RNGTT: variants seen among roughly 807,000 people sequenced by gnomAD.
The protein encoded by RNGTT is mRNA-capping enzyme.
A neutral mutation model predicts 79.3 loss-of-function variants in RNGTT; 33 were observed. The ratio of observed to expected loss-of-function variants is 0.42; its 90% CI spans 0.32 to 0.56. RNGTT has a LOEUF of 0.56. Among genes scored for constraint, RNGTT ranks in the 20% least tolerant of loss-of-function variants. RNGTT has a pLI of 0.17. For synonymous variants in RNGTT, 222 were observed against 235.9 expected (o/e 0.94, Z 0.54); for missense variants, 497 against 739.1 (o/e 0.67, Z 3.80).
intron 13 of RNGTT, among the ~76,000 whole-genome samples, chr6:88,763,970 T>G (rs902665994): frequency 2.0e-5 from 3 of 152,194 alleles, no homozygotes; most frequent in African/African-American, 7.2e-5. Flanking sequence ...CATGCTATAG[T>G]ATAAGCTGCT....
At chr6:88,722,199 A>C (rs1776731613) in intron 13 of RNGTT, among the ~76,000 whole-genome samples, 1 of 151,772 alleles carries the variant, frequency 6.6e-6, no homozygotes, top group Admixed American at 6.6e-5. Flanking sequence ...AGTTATTGTA[A>C]AACTCAGATC....
chr6:88,914,253 A>T (rs1783925711), intron 4 of RNGTT, among the ~76,000 whole-genome samples: 1 of 152,122 alleles, frequency 6.6e-6, no homozygotes, highest in Admixed American at 6.5e-5. Context: ...CAAATTACCA[A>T]CAGCATTTTT....
chr6:88,785,025 T>A (rs1779183738), intron 12 of RNGTT, among the ~76,000 whole-genome samples: 1 of 152,130 alleles, frequency 6.6e-6, no homozygotes, highest in Admixed American at 6.5e-5. Context: ...ACCACGTGAT[T>A]GTATTATCTG....
rs372546264 is a variant in RNGTT, at chr6:88,891,824, T to A, written c.776A>T (p.Gln259Leu). The change falls in exon 7 of 16, where the codon CAA (glutamine) becomes CTA (leucine). Residue 259 changes from glutamine to leucine, a missense_variant. Gln to Leu is a moderately radical substitution (Grantham distance 113). This residue lies in a region of RNGTT where 440 missense variants were observed against 671.5 expected (regional missense o/e 0.66). Transcript: ENST00000369485. The stretch of plus-strand genomic sequence containing the variant: ...TTATTACCCTTCCCAGCCACAGAAT[T>A]GATGACACTTCTGCTGTACCTCTCC... ...KLGEVQQKCH[Q>L]FCGWEGSGFP... The A allele has an allele frequency of 1.4e-5, 22 of 1,587,064 alleles. No individual in the cohort carries two copies. The highest frequency in any genetic ancestry group is 1.9e-5 in the Non-Finnish European group (22 of 1,167,866).
chr6:88,855,182 A>C (rs576252893), intron 8 of RNGTT, among the ~76,000 whole-genome samples: 1 of 152,362 alleles, frequency 6.6e-6, no homozygotes, highest in African/African-American at 2.4e-5. Context: ...TCCAAAAAAA[A>C]GGCAGCAACG....
Position 88,611,785 on chromosome 6 carries a change from G to A in RNGTT, c.*934C>T, listed in dbSNP as rs186220225. ...AAAGAAGTTAGCTGGCATTCCCTTT[G>A]CTGTTTTGTTCGAGAGAAGGAACAC... On this transcript the variant is annotated 3_prime_UTR_variant, in exon 16 of 16. Transcript: ENST00000369485. 1 of 152,646 alleles carries A rather than the reference G, an allele frequency of 6.6e-6. No homozygotes were observed. Among genetic ancestry groups the A allele is most frequent in the Non-Finnish European group, 1.5e-5 (1 of 68,020 alleles). The allele number at this position is 152,646 out of a possible 1,614,324, so 9.5% of individuals were successfully genotyped here. A position where few individuals can be genotyped will look rare whatever the true frequency, so the allele number is the denominator to read the frequency against.
intron 12 of RNGTT, among the ~76,000 whole-genome samples, chr6:88,771,330 TATATATATATATATATATATACAC>T (rs1778666190): frequency 1.0e-5 from 1 of 97,586 alleles, no homozygotes; most frequent in Admixed American, 9.5e-5. Context: ...TATATATATA[TATATATATATATATATATATACAC>T]ACACACACAC....
intron 14 of RNGTT, among the ~76,000 whole-genome samples, chr6:88,641,932 TA>T (rs1038179976): frequency 1.1e-4 from 16 of 152,242 alleles, no homozygotes; most frequent in African/African-American, 3.9e-4. Flanking sequence ...AAATAAAAAG[TA>T]AGTCTGTAGG....
At chr6:88,942,918 TTCCAGAATACTATTATATCC>T (rs1784895195) in intron 1 of RNGTT, among the ~76,000 whole-genome samples, 1 of 152,166 alleles carries the variant, frequency 6.6e-6, no homozygotes, top group Non-Finnish European at 1.5e-5. Flanking sequence ...TTCACCTAAA[TTCCAGAATACTATTATATCC>T]TCCTGGTTTT....
At chr6:88,832,769 T>C (rs1331865069) in intron 11 of RNGTT, among the ~76,000 whole-genome samples, 2 of 152,274 alleles carry the variant, frequency 1.3e-5, no homozygotes, top group South Asian at 2.1e-4. Flanking sequence ...GCAAAGGATA[T>C]GAACAGACAC....
At chr6:88,722,862 T>C (rs570819850) in intron 13 of RNGTT, among the ~76,000 whole-genome samples, 1 of 152,338 alleles carries the variant, frequency 6.6e-6, no homozygotes, top group Non-Finnish European at 1.5e-5. Context: ...AACATCATAG[T>C]GCAATGCATT....
At chr6:88,733,304 C>T (rs1777174250) in intron 13 of RNGTT, among the ~76,000 whole-genome samples, 1 of 152,034 alleles carries the variant, frequency 6.6e-6, no homozygotes, top group Non-Finnish European at 1.5e-5. Context: ...GTTGAGGCTG[C>T]AGTGAACCTA....
At chr6:88,628,920 A>C (rs2127768444) in intron 14 of RNGTT, among the ~76,000 whole-genome samples, 1 of 152,280 alleles carries the variant, frequency 6.6e-6, no homozygotes, top group Non-Finnish European at 1.5e-5. Context: ...CCATAAACTA[A>C]AGGAGAGACA....
At chr6:88,753,898 C>G (rs1246771232) in intron 13 of RNGTT, among the ~76,000 whole-genome samples, 1 of 151,976 alleles carries the variant, frequency 6.6e-6, no homozygotes, top group Non-Finnish European at 1.5e-5. Flanking sequence ...TTAAAAAGGC[C>G]TTGACAAATG....
chr6:88,792,973 C>CA (rs558261905), intron 12 of RNGTT, among the ~76,000 whole-genome samples: 7 of 151,140 alleles, frequency 4.6e-5, no homozygotes, highest in Admixed American at 6.6e-5. Context: ...GAATATTTAC[C>CA]AAAAAAAATA....
intron 11 of RNGTT, among the ~76,000 whole-genome samples, chr6:88,838,128 G>C (rs1313694770): frequency 6.6e-6 from 1 of 152,008 alleles, no homozygotes; most frequent in Admixed American, 6.6e-5. Context: ...TGTATAAAAG[G>C]CATCTATCCT....
At chr6:88,743,506 AG>A (rs1439722982) in intron 13 of RNGTT, among the ~76,000 whole-genome samples, 2 of 152,090 alleles carry the variant, frequency 1.3e-5, no homozygotes, top group Admixed American at 1.3e-4. Context: ...CACTCCCTCC[AG>A]CCCCTGGTGA....
chr6:88,801,457 G>C, intron 12 of RNGTT, 107 bp downstream of exon 12: 1 of 760,758 alleles, frequency 1.3e-6, no homozygotes, highest in Non-Finnish European at 2.1e-6. Flanking sequence ...TCAATCCCAA[G>C]TAAATAAGTT....
chr6:88,839,333 G>A (rs767076447), intron 11 of RNGTT, among the ~76,000 whole-genome samples: 2 of 152,148 alleles, frequency 1.3e-5, no homozygotes, highest in Non-Finnish European at 2.9e-5. Context: ...CACTTTGGGA[G>A]GCCGAGGCAG....
Sources: allele counts gnomAD v4.1 joint callset (sites outside exome capture counted in the v4.1 genomes callset), GRCh38; gene constraint gnomAD v4.1.1; regional missense constraint gnomAD v4.1.1; transcripts MANE v1.5; gene names NCBI Gene and HGNC (gene_info 2026-07-23, HGNC 2026-07-21).